Variants in IFI27 observed in about 807,000 individuals in gnomAD.
IFI27 encodes the protein interferon alpha inducible protein 27, also known as interferon alpha-inducible protein 27, mitochondrial.
In IFI27, 3 loss-of-function variants were observed where a neutral mutation model predicts 8.9. That is an observed-to-expected ratio of 0.34 (90% CI 0.15 to 0.87). The LOEUF is 0.87. Ranked by LOEUF, IFI27 falls within the 40% of genes least tolerant of loss-of-function variation. The pLI, the probability that IFI27 is intolerant of heterozygous loss-of-function variation, is 0.51. For synonymous variants in IFI27, 66 were observed against 67.3 expected, an observed-to-expected ratio of 0.98 and a Z score of 0.09; for missense variants, 152 against 157.7, an observed-to-expected ratio of 0.96 and a Z score of 0.19.
chr14:94,110,206 T>G (rs1887123232), upstream of IFI27, among the ~76,000 whole-genome samples: 1 of 152,226 alleles, frequency 6.6e-6, no homozygotes, highest in Non-Finnish European at 1.5e-5. Flanking sequence ...CTTCATCAAA[T>G]AACATTCTAT....
Position 94,116,678 on chromosome 14 carries a change from T to C in IFI27, c.*151T>C. On this transcript the variant is annotated 3_prime_UTR_variant, in exon 5 of 5. Transcript: ENST00000621160. This position sits in a 1 kb window ranked among gnomAD's most constrained non-coding sequence, Gnocchi z 4.3. The stretch of plus-strand genomic sequence containing the variant: ...TCCAGAGGAAAATAAGAAATAAAGA[T>C]GAATTGTTGCAACTCTTCCCAGAAT... 1.5e-6 allele frequency: 1 copy of C among 646,990 alleles called. No homozygotes were observed. The allele number at this position is 646,990 out of a possible 1,614,324, so 40.1% of individuals were successfully genotyped here. A position where few individuals can be genotyped will look rare whatever the true frequency, so the allele number is the denominator to read the frequency against.
upstream of IFI27, among the ~76,000 whole-genome samples, chr14:94,110,042 T>TCCTGCCTCTCTCCCCTGCCCA (rs1887111955): frequency 6.6e-6 from 1 of 152,158 alleles, no homozygotes; most frequent in South Asian, 2.1e-4. Context: ...TGAGTTCACC[T>TCCTGCCTCTCTCCCCTGCCCA]CCTGCCTCTC....
chr14:94,108,179 T>C (rs930809985), upstream of IFI27, among the ~76,000 whole-genome samples: 1 of 152,252 alleles, frequency 6.6e-6, no homozygotes, highest in Admixed American at 6.5e-5. Context: ...CATCTTTTTT[T>C]ATGGCTGCAT....
Position 94,111,690 on chromosome 14 carries a change from C to T in IFI27, c.8C>T (p.Ala3Val), listed in dbSNP as rs1465846326. 6 of 1,613,680 alleles carry T rather than the reference C, an allele frequency of 3.7e-6. No homozygotes were observed. Among genetic ancestry groups the T allele is most frequent in the African/African-American group, 1.3e-5 (1 of 74,932 alleles). The stretch of plus-strand genomic sequence containing the variant: ...GAATTAACCCGAGCAGGCATGGAGG[C>T]CTCTGCTCTCACCTCATCAGCAGTG... The change falls in exon 2 of 5, where the codon GCC (alanine) becomes GTC (valine). Residue 3 changes from alanine (A) to valine (V), a missense_variant. Ala to Val is a moderately conservative substitution (Grantham distance 64, BLOSUM62 0). Coordinates refer to ENST00000621160, the Ensembl canonical transcript of IFI27. This position sits in a 1 kb window ranked among gnomAD's most constrained non-coding sequence, Gnocchi z 4.3.
Position 94,116,149 on chromosome 14 carries a change from G to A in IFI27, c.283+207G>A, listed in dbSNP as rs1005204143. On this transcript the variant is annotated intron_variant, in intron 4 of 4. Coordinates refer to ENST00000621160, the Ensembl canonical transcript of IFI27. The surrounding 1 kb of genome is among the most constrained non-coding windows in gnomAD (Gnocchi z 4.3). Reference sequence around the variant, plus strand: ...CAGTGCACTCAGGAAGACTCAGCCCGAAGCAGATTTGCTGGGTTACCTGGG... The same window carrying A: ...CAGTGCACTCAGGAAGACTCAGCCCAAAGCAGATTTGCTGGGTTACCTGGG... 15 of 751,210 alleles carry A rather than the reference G, an allele frequency of 2.0e-5. No individual in the cohort carries two copies. Among genetic ancestry groups the A allele is most frequent in the Admixed American group, 4.0e-5 (2 of 50,002 alleles). 46.5% of individuals were successfully genotyped at this position (751,210 alleles called of 1,614,324 possible). A position where few individuals can be genotyped will look rare whatever the true frequency, so the allele number is the denominator to read the frequency against.
exon 4 of IFI27, chr14:94,115,898 G>T: frequency 6.3e-7 from 1 of 1,597,712 alleles, no homozygotes; most frequent in Non-Finnish European, 8.5e-7. Context: ...GCCAATGGGG[G>T]TGGAGTTGCC....
rs1031150496 is a variant in IFI27, at chr14:94,116,688, C to G, written c.*161C>G. 7 of 635,652 alleles carry G rather than the reference C, an allele frequency of 1.1e-5. No individual in the cohort carries two copies. Among genetic ancestry groups the G allele is most frequent in the Middle Eastern group, 2.9e-4 (1 of 3,430 alleles). The allele number at this position is 635,652 out of a possible 1,614,324, so 39.4% of individuals were successfully genotyped here. A position where few individuals can be genotyped will look rare whatever the true frequency, so the allele number is the denominator to read the frequency against. On this transcript the variant is annotated 3_prime_UTR_variant, in exon 5 of 5. Transcript: ENST00000621160. The surrounding 1 kb of genome is among the most constrained non-coding windows in gnomAD (Gnocchi z 4.3). ...AATAAGAAATAAAGATGAATTGTTG[C>G]AACTCTTCCCAGAATCTCTTCTTCT... is the stretch of plus-strand genomic sequence containing the variant.
chr14:94,114,665 G>A (rs547204221), intron 2 of IFI27, 186 bp from the exon 3 acceptor site: 10 of 629,380 alleles, frequency 1.6e-5, no homozygotes, highest in Middle Eastern at 3.8e-4. Context: ...ACTCCCCAGT[G>A]ATCCTCACCC....
In IFI27 at chr14:94,111,616, C is replaced by G; in HGVS notation, c.-58-9C>G. On this transcript the variant is annotated splice_polypyrimidine_tract_variant and intron_variant, in intron 1 of 4. Transcript: ENST00000621160. This position sits in a 1 kb window ranked among gnomAD's most constrained non-coding sequence, Gnocchi z 4.3. Reference sequence around the variant, plus strand: ...CCATCCCGTCCTCAGAGCTCCATCCCTTCGGCAGGTCTGGCTGAAGTTGAG... The same window carrying G: ...CCATCCCGTCCTCAGAGCTCCATCCGTTCGGCAGGTCTGGCTGAAGTTGAG... 3.7e-6 allele frequency: 5 copies of G among 1,350,674 alleles called. No individual in the cohort carries two copies. Among genetic ancestry groups the G allele is most frequent in the Non-Finnish European group, 5.3e-6 (5 of 941,676 alleles). The allele number at this position is 1,350,674 out of a possible 1,614,324, so 83.7% of individuals were successfully genotyped here.
At position 94,116,306 on chromosome 14, in the gene IFI27, C is replaced by G; in HGVS notation, c.284-136C>G. The stretch of plus-strand genomic sequence containing the variant: ...CAAAGACCCCGAGGGTACTGGGAAA[C>G]AGAGAGGGGAACTGGGTGGGGTCTG... On this transcript the variant is annotated intron_variant, in intron 4 of 4. Transcript: ENST00000621160. The surrounding 1 kb of genome is among the most constrained non-coding windows in gnomAD (Gnocchi z 4.3). 1.5e-6 allele frequency: 1 copy of G among 679,858 alleles called. No homozygotes were observed. Among genetic ancestry groups the G allele is most frequent in the Non-Finnish European group, 2.6e-6 (1 of 380,470 alleles). 42.1% of individuals were successfully genotyped at this position (679,858 alleles called of 1,614,324 possible).
intron 2 of IFI27, chr14:94,113,508 AAAAG>A (rs1331210914): frequency 6.6e-6 from 1 of 152,236 alleles, no homozygotes; most frequent in East Asian, 1.9e-4. Context: ...GTCTCAAAAA[AAAAG>A]AAAGAAATAT....
chr14:94,111,884 C>T lies in IFI27; in HGVS notation c.91+111C>T, dbSNP rs1056785471. ...AAAATGGGGGACACCCGCAGCCTTG[C>T]TGCCCTGTCCTGTCTTCTCACAGCA... On this transcript the variant is annotated intron_variant, in intron 2 of 4. Coordinates refer to ENST00000621160, the Ensembl canonical transcript of IFI27. The surrounding 1 kb of genome is among the most constrained non-coding windows in gnomAD (Gnocchi z 4.3). 3.6e-6 allele frequency: 3 copies of T among 840,928 alleles called. No individual in the cohort carries two copies. Among genetic ancestry groups the T allele is most frequent in the African/African-American group, 3.3e-5 (2 of 60,194 alleles). 52.1% of individuals were successfully genotyped at this position (840,928 alleles called of 1,614,324 possible).
At chr14:94,107,254 A>G (rs1268326132), upstream of IFI27, among the ~76,000 whole-genome samples, 1 of 152,128 alleles carries the variant, frequency 6.6e-6, no homozygotes, top group Non-Finnish European at 1.5e-5. Flanking sequence ...TAGTTTTAAT[A>G]GAGACAGGGT....
At chr14:94,109,886 G>A (rs1422537836), upstream of IFI27, among the ~76,000 whole-genome samples, 2 of 152,222 alleles carry the variant, frequency 1.3e-5, no homozygotes, top group Non-Finnish European at 2.9e-5. Context: ...CAGCTGCAGG[G>A]TGAGCCTGAC....
At chr14:94,115,543 C>T in intron 3 of IFI27, 1 of 609,818 alleles carries the variant, frequency 1.6e-6, no homozygotes, top group Non-Finnish European at 2.9e-6. Flanking sequence ...GAAGGTCCTG[C>T]TGCCCAGAAG....
At chr14:94,115,805 T>C (rs2139301874) in exon 4 of IFI27, 2 of 1,607,810 alleles carry the variant, frequency 1.2e-6, no homozygotes. Flanking sequence ...GCTGTGCCCA[T>C]GGTGCTCAGT....
intron 2 of IFI27, chr14:94,113,426 C>T (rs1020969654): frequency 2.0e-5 from 3 of 152,160 alleles, no homozygotes; most frequent in Non-Finnish European, 4.4e-5. Flanking sequence ...CACTTGAATC[C>T]AGGAGGCAGA....
chr14:94,116,584 C>A lies in IFI27; in HGVS notation c.*57C>A. On this transcript the variant is annotated 3_prime_UTR_variant, in exon 5 of 5. Coordinates refer to ENST00000621160, the Ensembl canonical transcript of IFI27. This position sits in a 1 kb window ranked among gnomAD's most constrained non-coding sequence, Gnocchi z 4.3. ...CCATGCCAGGGGAGAAGGCACCCAG[C>A]CATCCTGACCCAGCGAGGAGCCAAC... 2 of 1,361,902 alleles carry A rather than the reference C, an allele frequency of 1.5e-6. No homozygotes were observed. Among genetic ancestry groups the A allele is most frequent in the Non-Finnish European group, 2.1e-6 (2 of 964,696 alleles). 84.4% of individuals were successfully genotyped at this position (1,361,902 alleles called of 1,614,324 possible).
upstream of IFI27, among the ~76,000 whole-genome samples, chr14:94,107,145 C>T (rs1887026680): frequency 6.6e-6 from 1 of 152,152 alleles, no homozygotes; most frequent in African/African-American, 2.4e-5. Context: ...TCTCGGTTCA[C>T]TTCAACCTCT....
Sources: gnomAD v4.1 joint callset for allele counts (sites outside exome capture counted in the v4.1 genomes callset) on GRCh38, gnomAD v4.1.1 for gene constraint, Gnocchi (gnomAD v3.1) non-coding constraint, MANE v1.5 for transcripts, NCBI Gene and HGNC (gene_info 2026-07-23, HGNC 2026-07-21) for gene names.